The following TMEM108 variants were observed in gnomAD, a reference collection of about 807,000 sequenced individuals.
TMEM108 encodes the protein cancer/testis antigen 124.
In TMEM108, 12 loss-of-function variants were observed where a neutral mutation model predicts 35.1. That is an observed-to-expected ratio of 0.34 (90% CI 0.22 to 0.55). The LOEUF is 0.55. Ranked by LOEUF, TMEM108 falls within the 20% of genes least tolerant of loss-of-function variation. TMEM108 has a pLI of 0.89. For missense variants in TMEM108, 680 were observed against 753.3 expected (o/e 0.90, Z 1.14); for synonymous variants, 287 against 308.6 (o/e 0.93, Z 0.73).
In TMEM108 at chr3:133,212,381, CA is replaced by C. The variant is rs561150635; in HGVS notation, c.-46-16879del. On this transcript the variant is annotated intron_variant, in intron 2 of 5. Transcript: ENST00000321871. ...TAGAAAAGATCTGTTTGGTGTGAGT[CA>C]AAAAACCACTATTCCCATTTGTTTT... Among the ~76,000 whole-genome samples the C allele has an allele frequency of 3.9e-5, 6 of 152,118 alleles. No individual in the cohort carries two copies. The South Asian group carries it at 1.2e-3, about 32-fold the overall frequency.
intron 3 of TMEM108, among the ~76,000 whole-genome samples, chr3:133,306,727 A>G (rs2071046996): frequency 6.6e-6 from 1 of 152,108 alleles, no homozygotes; most frequent in Non-Finnish European, 1.5e-5. Flanking sequence ...ATAGTATTCC[A>G]TGGTGTATAT....
chr3:133,088,319 GA>G (rs1943908131), intron 2 of TMEM108, among the ~76,000 whole-genome samples: 1 of 152,220 alleles, frequency 6.6e-6, no homozygotes, highest in Non-Finnish European at 1.5e-5. Context: ...TCACGAATGG[GA>G]GGAGTCACAG....
chr3:133,310,530 C>CTTTTTTTTTTTTTTTTTTTTTTT lies in TMEM108; in HGVS notation c.41-69215_41-69193dup, dbSNP rs59215786. ...TCAGAGACTAGGATTGCAACCCCTGCTTTTTTTTTTTTTTTTTTTTTTTTT... is the reference window on the plus strand; with the variant it reads ...TCAGAGACTAGGATTGCAACCCCTGCTTTTTTTTTTTTTTTTTTTTTTTTTTTTTTTTTTTTTTTTTTTTTTTT... On this transcript the variant is annotated intron_variant, in intron 3 of 5. Coordinates refer to ENST00000321871, the MANE Select transcript of TMEM108 (RefSeq NM_023943.4). Among the ~76,000 whole-genome samples, 5 of 22,212 alleles carry CTTTTTTTTTTTTTTTTTTTTTTT rather than the reference C, an allele frequency of 2.3e-4. 2 individuals carry two copies. Among genetic ancestry groups the CTTTTTTTTTTTTTTTTTTTTTTT allele is most frequent in the South Asian group, 3.0e-3 (1 of 334 alleles). 14.6% of individuals were successfully genotyped at this position (22,212 alleles called of 152,430 possible).
chr3:133,211,646 G>A (rs1018874173), intron 2 of TMEM108, among the ~76,000 whole-genome samples: 1 of 152,176 alleles, frequency 6.6e-6, no homozygotes. Context: ...GAAGAAGGAG[G>A]TTCTGTGTCA....
intron 3 of TMEM108, among the ~76,000 whole-genome samples, chr3:133,296,829 T>C (rs747970270): frequency 3.9e-5 from 6 of 152,224 alleles, no homozygotes; most frequent in Admixed American, 1.3e-4. Context: ...CATGTCTAGC[T>C]AATTCTCAAG....
intron 2 of TMEM108, among the ~76,000 whole-genome samples, chr3:133,106,332 T>A (rs1261480010): frequency 1.3e-5 from 2 of 152,096 alleles, no homozygotes; most frequent in Non-Finnish European, 1.5e-5. Flanking sequence ...GTGTTACAGA[T>A]GTGGGAGCTA....
chr3:133,337,390 A>G (rs113102499), intron 3 of TMEM108, among the ~76,000 whole-genome samples: 1 of 152,206 alleles, frequency 6.6e-6, no homozygotes, highest in Non-Finnish European at 1.5e-5. Context: ...TTAAGGGAAC[A>G]GAACAAGAGT....
rs61709682 is a variant in TMEM108 at position 133,231,853 on chromosome 3, C to T, written c.40+2502C>T. Among the ~76,000 whole-genome samples, 216 of 152,278 alleles carry T rather than the reference C, an allele frequency of 1.4e-3. 1 individual carries two copies. The highest frequency in any genetic ancestry group is 5.1e-3 in the African/African-American group (213 of 41,544). On this transcript the variant is annotated intron_variant, in intron 3 of 5. Transcript: ENST00000321871. ...TACTATGTTCACAAGGATTTGCTGA[C>T]AGTTTACCTAAGTCTCCTCAATTAT...
At chr3:133,098,949 C>T (rs1427625582) in intron 2 of TMEM108, among the ~76,000 whole-genome samples, 1 of 152,136 alleles carries the variant, frequency 6.6e-6, no homozygotes, top group African/African-American at 2.4e-5. Context: ...GATGGTGGCC[C>T]TCTTCTCACA....
At chr3:133,080,019 T>G (rs1306517813) in intron 2 of TMEM108, among the ~76,000 whole-genome samples, 1 of 151,990 alleles carries the variant, frequency 6.6e-6, no homozygotes, top group African/African-American at 2.4e-5. Context: ...AAGGCCACAA[T>G]TAGGGGGAAT....
At chr3:133,386,257 T>C (rs902088971) in intron 4 of TMEM108, among the ~76,000 whole-genome samples, 11 of 152,204 alleles carry the variant, frequency 7.2e-5, no homozygotes, top group Admixed American at 3.9e-4. Context: ...ATGGAGAAGG[T>C]ACTCAATAAA....
intron 3 of TMEM108, 87 bp from the exon 4 acceptor site, chr3:133,379,665 G>A: frequency 7.4e-7 from 1 of 1,351,926 alleles, no homozygotes; most frequent in Non-Finnish European, 1.0e-6. Flanking sequence ...TGAGTTCCCA[G>A]CACTGTCCTA....
chr3:133,123,844 A>G (rs1009335289), intron 2 of TMEM108, among the ~76,000 whole-genome samples: 1 of 152,186 alleles, frequency 6.6e-6, no homozygotes, highest in East Asian at 1.9e-4. Context: ...CTGCTTCTGC[A>G]ATAGTGGCCT....
At chr3:133,287,713 A>G (rs1010486948) in intron 3 of TMEM108, among the ~76,000 whole-genome samples, 1 of 152,244 alleles carries the variant, frequency 6.6e-6, no homozygotes, top group African/African-American at 2.4e-5. Flanking sequence ...TAGATGGTTT[A>G]ATTTTAAAAT....
At chr3:133,280,777 G>C (rs1946901241) in intron 3 of TMEM108, among the ~76,000 whole-genome samples, 1 of 152,200 alleles carries the variant, frequency 6.6e-6, no homozygotes, top group African/African-American at 2.4e-5. Context: ...TCTGTGCTCA[G>C]CTGCCAAGTG....
intron 3 of TMEM108, among the ~76,000 whole-genome samples, chr3:133,285,091 T>G (rs562176111): frequency 6.6e-6 from 1 of 152,328 alleles, no homozygotes; most frequent in Non-Finnish European, 1.5e-5. Flanking sequence ...CTTGCTGAAT[T>G]GTTTTGTAAA....
chr3:133,331,693 C>T (rs2071395360), intron 3 of TMEM108, among the ~76,000 whole-genome samples: 1 of 152,206 alleles, frequency 6.6e-6, no homozygotes, highest in South Asian at 2.1e-4. Flanking sequence ...TATCATTTCT[C>T]ATCTGATTTT....
chr3:133,272,268 C>T (rs1416749946), intron 3 of TMEM108, among the ~76,000 whole-genome samples: 2 of 95,796 alleles, frequency 2.1e-5, no homozygotes, highest in South Asian at 7.1e-4. Flanking sequence ...ACACCATACA[C>T]GTACGTGTGT....
rs190791803 is a variant in TMEM108 at position 133,276,676 on chromosome 3, G to A, written c.40+47325G>A. Among the ~76,000 whole-genome samples the A allele has an allele frequency of 4.6e-4, 70 of 152,240 alleles. 1 individual carries two copies. Among genetic ancestry groups the A allele is most frequent in the Admixed American group, 1.5e-3 (23 of 15,296 alleles). ...CTATCTCTATTTTTTTAAATATGGG[G>A]TGGGAAGTGGTGGGCGTTTGTTGAG... On this transcript the variant is annotated intron_variant, in intron 3 of 5. Coordinates refer to ENST00000321871, the MANE Select transcript of TMEM108 (RefSeq NM_023943.4).
Sources: gnomAD v4.1 joint callset for allele counts (sites outside exome capture counted in the v4.1 genomes callset) on GRCh38, gnomAD v4.1.1 for gene constraint, MANE v1.5 for transcripts, NCBI Gene and HGNC (gene_info 2026-07-23, HGNC 2026-07-21) for gene names.